Variants in ST8SIA6 observed in about 807,000 individuals in gnomAD.
ST8SIA6 encodes ST8 alpha-N-acetyl-neuraminide alpha-2,8-sialyltransferase 6.
In ST8SIA6, 39 loss-of-function variants were observed where a neutral mutation model predicts 33.6. That is an observed-to-expected ratio of 1.16 (90% confidence interval 0.90 to 1.52). The LOEUF (loss-of-function observed/expected upper bound fraction) is 1.52. ST8SIA6 is among the 40% of genes most tolerant of loss of function. The pLI is 0.00. For synonymous variants in ST8SIA6, 172 were observed against 167.2 expected (o/e 1.03, Z -0.22); for missense variants, 441 against 443.8 (o/e 0.99, Z 0.06).
At chr10:17,351,051 A>G (rs1047364102) in intron 4 of ST8SIA6, among the ~76,000 whole-genome samples, 1 of 152,100 alleles carries the variant, frequency 6.6e-6, no homozygotes, top group African/African-American at 2.4e-5. Flanking sequence ...GCCTCATTTC[A>G]TCATCTTGCC....
At chr10:17,379,973 T>C (rs992126712) in intron 3 of ST8SIA6, among the ~76,000 whole-genome samples, 2 of 152,196 alleles carry the variant, frequency 1.3e-5, no homozygotes, top group Admixed American at 1.3e-4. Context: ...ATGAGCTAAC[T>C]TTATAGCTCA....
intron 3 of ST8SIA6, among the ~76,000 whole-genome samples, chr10:17,375,870 G>A (rs1248840557): frequency 6.6e-6 from 1 of 152,190 alleles, no homozygotes; most frequent in South Asian, 2.1e-4. Flanking sequence ...TTAAAAAAAA[G>A]TGTTTCTTCC....
Position 17,319,777 on chromosome 10 carries a change from G to A in ST8SIA6, c.*1101C>T, listed in dbSNP as rs993239541. 1 of 152,052 alleles carries A rather than the reference G, an allele frequency of 6.6e-6. No individual in the cohort carries two copies. The highest frequency in any genetic ancestry group is 1.5e-5 in the Non-Finnish European group (1 of 67,986). 9.4% of individuals were successfully genotyped at this position (152,052 alleles called of 1,614,324 possible). ...ATATTTAATTATTTCAGTATATTTT[G>A]TTACTTTTACTAATCAATTACATAT... On this transcript the variant is annotated 3_prime_UTR_variant, in exon 8 of 8. Transcript: ENST00000377602.
chr10:17,404,509 G>A (rs1851176706), intron 2 of ST8SIA6, among the ~76,000 whole-genome samples: 1 of 152,116 alleles, frequency 6.6e-6, no homozygotes, highest in Non-Finnish European at 1.5e-5. Flanking sequence ...AGCCTCAAGA[G>A]CTCATCTTAG....
intron 2 of ST8SIA6, chr10:17,403,678 C>T (rs1851134246): frequency 6.6e-6 from 1 of 152,072 alleles, no homozygotes; most frequent in South Asian, 2.1e-4. Flanking sequence ...CTTTAGTGTG[C>T]CTTGAATTTG....
At position 17,453,698 on chromosome 10, in the gene ST8SIA6, C is replaced by T. The variant is rs752054269; in HGVS notation, c.102-41G>A. The T allele has an allele frequency of 1.3e-5, 16 of 1,257,790 alleles. No homozygotes were observed. In the South Asian group the frequency reaches 2.6e-4, roughly 20 times the overall value. 77.9% of individuals were successfully genotyped at this position (1,257,790 alleles called of 1,614,324 possible). ...GAAAACTTAAGTTGCTACACCCCGC[C>T]GGGAGCTGTTGGCTGAAAGGCTGGG... On this transcript the variant is annotated intron_variant, in intron 1 of 7. Transcript: ENST00000377602.
chr10:17,434,825 C>G (rs1852202093), intron 2 of ST8SIA6, among the ~76,000 whole-genome samples: 1 of 152,170 alleles, frequency 6.6e-6, no homozygotes, highest in East Asian at 1.9e-4. Flanking sequence ...TGCATGTTCA[C>G]TGGCATGGTT....
rs762780631 is a variant in ST8SIA6 at position 17,321,000 on chromosome 10, A to C, written c.1075T>G (p.Tyr359Asp). 6.2e-7 allele frequency: 1 copy of C among 1,614,094 alleles called. No individual in the cohort carries two copies. The highest frequency in any genetic ancestry group is 8.5e-7 in the Non-Finnish European group (1 of 1,179,970). Residue 359 changes from tyrosine (Y) to aspartate (D), a missense_variant, in exon 8 of 8, where the codon TAT (tyrosine) becomes GAT (aspartate). By Grantham distance (160) the Tyr-to-Asp change is radical. Transcript: ENST00000377602. ...TVEDIPVSHH[Y>D]YDNKLPKHGF... is the part of the protein sequence containing the mutation. ...TGTTTAGGTAGCTTGTTGTCATAAT[A>C]GTGATGGCTGACAGGTATGTCTTCT...
At chr10:17,427,924 G>A (rs2131717373) in intron 2 of ST8SIA6, among the ~76,000 whole-genome samples, 1 of 152,384 alleles carries the variant, frequency 6.6e-6, no homozygotes, top group South Asian at 2.1e-4. Context: ...AAAGAGGACA[G>A]CCCTGACTAG....
intron 3 of ST8SIA6, among the ~76,000 whole-genome samples, chr10:17,369,957 T>C (rs539590131): frequency 1.7e-4 from 26 of 152,146 alleles, no homozygotes; most frequent in African/African-American, 6.0e-4. Context: ...AGCATAGAAT[T>C]GGATCATGTT....
intron 3 of ST8SIA6, among the ~76,000 whole-genome samples, chr10:17,365,109 A>G (rs961769108): frequency 1.3e-5 from 2 of 152,278 alleles, no homozygotes; most frequent in Admixed American, 6.5e-5. Flanking sequence ...AAGACATAAA[A>G]TAAATCACAC....
rs555747186 is a variant in ST8SIA6, at chr10:17,411,225, C to T, written c.201-20605G>A. Among the ~76,000 whole-genome samples, 63 of 152,036 alleles carry T rather than the reference C, an allele frequency of 4.1e-4. No individual in the cohort carries two copies. The South Asian group carries it at 4.6e-3, about 11-fold the overall frequency. On this transcript the variant is annotated intron_variant, in intron 2 of 7. Transcript: ENST00000377602. ...GTGTGTGATAGAATTTCACTCTTGT[C>T]GCCCAGGCTGGAGTGCAGTGCGATC...
intron 2 of ST8SIA6, among the ~76,000 whole-genome samples, chr10:17,446,986 T>G (rs1852730115): frequency 7.1e-6 from 1 of 141,304 alleles, no homozygotes; most frequent in African/African-American, 2.7e-5. Context: ...GGGCAGAGGT[T>G]GCAGTGAGCC....
chr10:17,321,381 G>C (rs780760899), intron 7 of ST8SIA6, 35 bp from the exon 8 acceptor site: 1 of 1,512,896 alleles, frequency 6.6e-7, no homozygotes, highest in South Asian at 1.3e-5. Flanking sequence ...GTAATCCCAA[G>C]AATAATAATC....
chr10:17,446,669 G>A (rs1255092025), intron 2 of ST8SIA6, among the ~76,000 whole-genome samples: 2 of 152,078 alleles, frequency 1.3e-5, no homozygotes, highest in Non-Finnish European at 2.9e-5. Flanking sequence ...ACTTGGGGAG[G>A]GGATGGTGAA....
chr10:17,422,703 G>T (rs1048921781), intron 2 of ST8SIA6, among the ~76,000 whole-genome samples: 3 of 152,148 alleles, frequency 2.0e-5, no homozygotes, highest in Non-Finnish European at 4.4e-5. Context: ...GCAACAATTT[G>T]TCTTCTTCTA....
At chr10:17,421,664 G>A (rs1455773752) in intron 2 of ST8SIA6, among the ~76,000 whole-genome samples, 9 of 152,044 alleles carry the variant, frequency 5.9e-5, no homozygotes, top group Non-Finnish European at 1.3e-4. Flanking sequence ...CTGGGATCAA[G>A]GGATCCTCCT....
At chr10:17,377,311 G>A (rs4323783) in intron 3 of ST8SIA6, among the ~76,000 whole-genome samples, 2 of 151,900 alleles carry the variant, frequency 1.3e-5, no homozygotes, top group Admixed American at 6.5e-5. Flanking sequence ...CTCCCTTTTC[G>A]GACTTGGTCT....
intron 3 of ST8SIA6, among the ~76,000 whole-genome samples, chr10:17,363,895 G>A (rs1361391837): frequency 6.6e-5 from 10 of 152,126 alleles, no homozygotes; most frequent in Non-Finnish European, 1.5e-5. Flanking sequence ...CATAGTTTGA[G>A]CTTCATTGAG....
Sources: allele counts gnomAD v4.1 joint callset (sites outside exome capture counted in the v4.1 genomes callset), GRCh38; gene constraint gnomAD v4.1.1; transcripts MANE v1.5; gene names NCBI Gene and HGNC (gene_info 2026-07-23, HGNC 2026-07-21).